CACNB4: variants seen among roughly 807,000 people sequenced by gnomAD.
CACNB4 encodes calcium voltage-gated channel auxiliary subunit beta 4.
In CACNB4, 32 loss-of-function variants were observed where a neutral mutation model predicts 71.2. The ratio of observed to expected loss-of-function variants is 0.45; its 90% confidence interval spans 0.34 to 0.60. The LOEUF (loss-of-function observed/expected upper bound fraction) is 0.60, where lower values mean the gene tolerates loss of function less well. Ranked by LOEUF, CACNB4 falls within the 20% of genes least tolerant of loss-of-function variation. The pLI is 0.01. For synonymous variants in CACNB4, 231 were observed against 236.9 expected (o/e 0.97, Z 0.23); for missense variants, 464 against 647.9 (o/e 0.72, Z 3.08).
chr2:152,052,234 A>G (rs1685472066), intron 2 of CACNB4, among the ~76,000 whole-genome samples: 1 of 152,262 alleles, frequency 6.6e-6, no homozygotes, highest in African/African-American at 2.4e-5. Flanking sequence ...ATTTTATAAT[A>G]AAGTATTGAA....
intron 2 of CACNB4, among the ~76,000 whole-genome samples, chr2:151,896,900 T>C (rs902999753): frequency 6.6e-6 from 1 of 152,180 alleles, no homozygotes; most frequent in Non-Finnish European, 1.5e-5. Flanking sequence ...AGACACTAAA[T>C]AAGATGCCCA....
chr2:151,884,953 A>T (rs77023549), intron 2 of CACNB4, among the ~76,000 whole-genome samples: 1 of 152,214 alleles, frequency 6.6e-6, no homozygotes, highest in Non-Finnish European at 1.5e-5. Flanking sequence ...AGTGGGGGAA[A>T]AAGCTTTAAG....
intron 2 of CACNB4, among the ~76,000 whole-genome samples, chr2:152,024,609 T>C (rs1683862173): frequency 6.8e-6 from 1 of 146,704 alleles, no homozygotes; most frequent in South Asian, 2.1e-4. Flanking sequence ...GCCCCAATAG[T>C]TGCTTACTAA....
At chr2:151,999,645 T>C (rs1682283579) in intron 2 of CACNB4, among the ~76,000 whole-genome samples, 1 of 152,192 alleles carries the variant, frequency 6.6e-6, no homozygotes, top group African/African-American at 2.4e-5. Flanking sequence ...GTGTTAATCC[T>C]CTTCTTGGTA....
rs1560067340 is a variant in CACNB4 at position 151,957,262 on chromosome 2, G to GTGTA, written c.148-73893_148-73892insTACA. 2.4e-4 allele frequency among the ~76,000 whole-genome samples: 6 copies of GTGTA among 24,716 alleles called. No homozygotes were observed. The Non-Finnish European group carries it at 2.6e-3, about 11-fold the overall frequency. The allele number at this position is 24,716 out of a possible 152,430, so 16.2% of individuals were successfully genotyped here. Reference sequence around the variant, plus strand: ...AAAAAAGTAGAGTGGCTGGGCGTGTGTGTGTGTGTGTGTGTGTGTGTGTGT... The same window carrying GTGTA: ...AAAAAAGTAGAGTGGCTGGGCGTGTGTGTATGTGTGTGTGTGTGTGTGTGTGTGT... On this transcript the variant is annotated intron_variant, in intron 2 of 13. Transcript: ENST00000539935.
intron 2 of CACNB4, among the ~76,000 whole-genome samples, chr2:151,940,111 T>A (rs1370520467): frequency 6.6e-6 from 1 of 152,238 alleles, no homozygotes; most frequent in Non-Finnish European, 1.5e-5. Flanking sequence ...TAAATATATG[T>A]GCACAAGCAA....
intron 2 of CACNB4, among the ~76,000 whole-genome samples, chr2:152,013,892 C>T (rs1280759927): frequency 6.6e-6 from 1 of 152,244 alleles, no homozygotes; most frequent in Non-Finnish European, 1.5e-5. Flanking sequence ...GCTTCTAGGT[C>T]TCCAGAGCCA....
intron 2 of CACNB4, among the ~76,000 whole-genome samples, chr2:152,021,493 C>G (rs1370281823): frequency 1.3e-5 from 2 of 152,200 alleles, no homozygotes; most frequent in Non-Finnish European, 2.9e-5. Context: ...AATCTCTTAA[C>G]ATTTGATTTG....
At position 152,020,511 on chromosome 2, in the gene CACNB4, G is replaced by T. The variant is rs1442106841; in HGVS notation, c.147+77819C>A. On this transcript the variant is annotated intron_variant, in intron 2 of 13. Coordinates refer to ENST00000539935, the MANE Select transcript of CACNB4 (RefSeq NM_000726.5). ...GAAATGGGTAGAAGATTTCTCTTTT[G>T]TGATGTCTGATGATAAAGAAAGAAA... 2.0e-5 allele frequency among the ~76,000 whole-genome samples: 3 copies of T among 152,342 alleles called. No homozygotes were observed. The East Asian group carries it at 5.8e-4, about 29-fold the overall frequency.
chr2:152,044,323 CA>C (rs1255157531), intron 2 of CACNB4, among the ~76,000 whole-genome samples: 2 of 152,132 alleles, frequency 1.3e-5, no homozygotes, highest in African/African-American at 4.8e-5. Flanking sequence ...CAGGTTCAAG[CA>C]ATTCTCCTGC....
chr2:151,926,945 C>T (rs1214269388), intron 2 of CACNB4, among the ~76,000 whole-genome samples: 3 of 152,206 alleles, frequency 2.0e-5, no homozygotes, highest in Non-Finnish European at 4.4e-5. Flanking sequence ...TCATTTGTAA[C>T]ATGCTACCGT....
chr2:151,938,649 AT>A lies in CACNB4; in HGVS notation c.148-55280del, dbSNP rs1168619679. Among the ~76,000 whole-genome samples the A allele has an allele frequency of 2.6e-5, 4 of 152,292 alleles. No homozygotes were observed. In the East Asian group the frequency reaches 7.7e-4, roughly 29 times the overall value. ...GTCAGAATGTCATCGAGAATACAAGATTTTTTTAAAAAACCAATGAGTCATT... is the reference window on the plus strand; with the variant it reads ...GTCAGAATGTCATCGAGAATACAAGATTTTTTAAAAAACCAATGAGTCATT... On this transcript the variant is annotated intron_variant, in intron 2 of 13. Coordinates refer to ENST00000539935, the MANE Select transcript of CACNB4 (RefSeq NM_000726.5).
chr2:151,899,245 T>C (rs2099852810), intron 2 of CACNB4, among the ~76,000 whole-genome samples: 1 of 152,042 alleles, frequency 6.6e-6, no homozygotes, highest in African/African-American at 2.4e-5. Context: ...TAGGGGAAAA[T>C]GCAGACACAA....
intron 2 of CACNB4, among the ~76,000 whole-genome samples, chr2:152,009,255 G>C (rs1682917537): frequency 6.6e-6 from 1 of 151,858 alleles, no homozygotes; most frequent in South Asian, 2.1e-4. Flanking sequence ...GCTCAAAGCA[G>C]ATTGAAAAAT....
chr2:151,944,864 C>A (rs1188509919), intron 2 of CACNB4, among the ~76,000 whole-genome samples: 1 of 152,136 alleles, frequency 6.6e-6, no homozygotes, highest in Non-Finnish European at 1.5e-5. Context: ...AGGAGGAGGA[C>A]TAGAACCCAG....
rs2099839275 is a variant in CACNB4 at position 151,852,296 on chromosome 2, A to G, written c.1116+1152T>C. 3 of 152,188 alleles carry G rather than the reference A, an allele frequency of 2.0e-5. No individual in the cohort carries two copies. In the South Asian group the frequency reaches 6.2e-4, roughly 32 times the overall value. The allele number at this position is 152,188 out of a possible 1,614,324, so 9.4% of individuals were successfully genotyped here. On this transcript the variant is annotated intron_variant, in intron 12 of 13. Transcript: ENST00000539935. ...ACTGTGTGGCCAACTGTAAGCATCT[A>G]ATGAAAGGATGCATTATTACTCTTA... is the stretch of plus-strand genomic sequence containing the variant.
intron 2 of CACNB4, among the ~76,000 whole-genome samples, chr2:152,097,738 T>G (rs996914631): frequency 6.6e-6 from 1 of 152,178 alleles, no homozygotes; most frequent in Admixed American, 6.5e-5. Context: ...AGCTGAGTGC[T>G]GGCCTTCGTT....
chr2:152,006,401 C>CTTTTTTT (rs60046879), intron 2 of CACNB4, among the ~76,000 whole-genome samples: 5 of 138,554 alleles, frequency 3.6e-5, no homozygotes, highest in Admixed American at 7.4e-5. Flanking sequence ...TCTTTTCTTT[C>CTTTTTTT]TTTTTTTTTT....
At chr2:151,875,565 G>A (rs1266016775) in intron 5 of CACNB4, among the ~76,000 whole-genome samples, 1 of 150,988 alleles carries the variant, frequency 6.6e-6, no homozygotes, top group African/African-American at 2.5e-5. Flanking sequence ...TCCCAGTAGG[G>A]GCGGCCGGGC....
Sources: allele counts gnomAD v4.1 joint callset (sites outside exome capture counted in the v4.1 genomes callset), GRCh38; gene constraint gnomAD v4.1.1; transcripts MANE v1.5; gene names NCBI Gene and HGNC (gene_info 2026-07-23, HGNC 2026-07-21).